The following GALNTL5 variants were observed in gnomAD, a reference collection of about 807,000 sequenced individuals.
GALNTL5 encodes inactive polypeptide N-acetylgalactosaminyltransferase-like protein 5.
GALNTL5 carries 44 observed loss-of-function variants against 51.0 expected under a neutral mutation model. The ratio of observed to expected loss-of-function variants is 0.86; its 90% CI spans 0.68 to 1.11. The LOEUF is 1.11. Among genes scored for constraint, GALNTL5 ranks in the 50% least tolerant of loss-of-function variants. GALNTL5 has a pLI of 0.00. For missense variants in GALNTL5, 528 were observed against 531.8 expected, an observed-to-expected ratio of 0.99 and a Z score of 0.07; for synonymous variants, 192 against 182.8, an observed-to-expected ratio of 1.05 and a Z score of -0.41.
rs778708348 is a variant in GALNTL5, at chr7:151,987,231, A to G, written c.608A>G (p.Lys203Arg). The change falls in exon 5 of 9, where the codon AAG becomes AGG. Residue 203 changes from lysine to arginine, a missense_variant. By Grantham distance (26) the Lys-to-Arg change is conservative. Transcript: ENST00000392800. ...AAGGTTAAAATAATAAGAAACAAAA[A>G]GAGAGAGGGGCTGATTCGAGCAAGG... ...RGKVKIIRNK[K>R]REGLIRARLI... 2.5e-6 allele frequency: 4 copies of G among 1,601,804 alleles called. No homozygotes were observed. Among genetic ancestry groups the G allele is most frequent in the South Asian group, 1.1e-5 (1 of 87,498 alleles).
chr7:152,008,186 A>C (rs1382001056), intron 7 of GALNTL5, among the ~76,000 whole-genome samples: 1 of 151,656 alleles, frequency 6.6e-6, no homozygotes, highest in Non-Finnish European at 1.5e-5. Flanking sequence ...GGCTGAGGCA[A>C]GTGGATTGTT....
At chr7:151,957,561 GAAAAGAAAAAAA>G (rs1363393406) in intron 1 of GALNTL5, among the ~76,000 whole-genome samples, 2 of 119,156 alleles carry the variant, frequency 1.7e-5, no homozygotes, top group Non-Finnish European at 3.4e-5. Flanking sequence ...AAAAAAAAAA[GAAAAGAAAAAAA>G]AAAAGAAAGA....
chr7:151,981,900 A>G (rs939969778), intron 3 of GALNTL5, among the ~76,000 whole-genome samples: 4 of 150,766 alleles, frequency 2.7e-5, no homozygotes. Flanking sequence ...CACCCACCTC[A>G]GCCTCCCAAA....
chr7:151,990,525 G>A (rs1178118425), intron 5 of GALNTL5, among the ~76,000 whole-genome samples: 1 of 111,162 alleles, frequency 9.0e-6, no homozygotes, highest in Non-Finnish European at 1.7e-5. Flanking sequence ...AGCTTGCAGT[G>A]AGCCGAGATT....
chr7:151,999,007 T>C (rs1011652762), intron 5 of GALNTL5, among the ~76,000 whole-genome samples: 3 of 152,174 alleles, frequency 2.0e-5, no homozygotes, highest in Non-Finnish European at 4.4e-5. Context: ...TCCAAAACAT[T>C]TTCATTACCT....
chr7:152,006,164 G>A (rs1255988982), intron 6 of GALNTL5, among the ~76,000 whole-genome samples: 1 of 152,196 alleles, frequency 6.6e-6, no homozygotes, highest in Non-Finnish European at 1.5e-5. Flanking sequence ...CCAAGAGAAG[G>A]GTGTGGCCAG....
At chr7:152,012,754 G>T (rs2081753788) in intron 7 of GALNTL5, among the ~76,000 whole-genome samples, 3 of 152,112 alleles carry the variant, frequency 2.0e-5, no homozygotes, top group Admixed American at 2.0e-4. Flanking sequence ...ATCACTTGAG[G>T]TCAGAAGTTC....
intron 8 of GALNTL5, among the ~76,000 whole-genome samples, chr7:152,015,630 T>C (rs1265267152): frequency 6.6e-6 from 1 of 152,004 alleles, no homozygotes; most frequent in East Asian, 1.9e-4. Context: ...AGTGCTGGGA[T>C]TTATAAGAGT....
intron 6 of GALNTL5, among the ~76,000 whole-genome samples, chr7:152,006,501 A>T (rs567544168): frequency 1.3e-5 from 2 of 152,338 alleles, no homozygotes; most frequent in East Asian, 3.9e-4. Flanking sequence ...CATCTGGTGC[A>T]GTAGGCACCC....
intron 5 of GALNTL5, among the ~76,000 whole-genome samples, chr7:151,999,293 C>A (rs905508682): frequency 2.0e-5 from 3 of 152,076 alleles, no homozygotes; most frequent in Admixed American, 6.5e-5. Flanking sequence ...TGGGCTGTTT[C>A]CCTCTTTTGG....
intron 1 of GALNTL5, among the ~76,000 whole-genome samples, chr7:151,964,920 G>T (rs1454321462): frequency 2.0e-5 from 3 of 152,172 alleles, no homozygotes; most frequent in African/African-American, 7.2e-5. Flanking sequence ...CCGGGATCCT[G>T]TGTGGGAGGA....
chr7:152,014,806 T>A lies in GALNTL5; in HGVS notation c.1176+13T>A. The A allele has an allele frequency of 6.3e-7, 1 of 1,593,126 alleles. No homozygotes were observed. Among genetic ancestry groups the A allele is most frequent in the South Asian group, 1.1e-5 (1 of 87,434 alleles). The stretch of plus-strand genomic sequence containing the variant: ...GGATGAATATAAGGTGGGGAACACA[T>A]CCTTGACTTGGAAAATGTATGCGAG... On this transcript the variant is annotated intron_variant, in intron 8 of 8. Coordinates refer to ENST00000392800, the MANE Select transcript of GALNTL5 (RefSeq NM_145292.4).
At chr7:151,983,747 A>C (rs147394689) in intron 4 of GALNTL5, among the ~76,000 whole-genome samples, 1 of 152,124 alleles carries the variant, frequency 6.6e-6, no homozygotes, top group East Asian at 1.9e-4. Context: ...GATGAGTTGT[A>C]ATGATCTAGG....
chr7:151,957,412 G>A (rs1001323047), intron 1 of GALNTL5, among the ~76,000 whole-genome samples: 3 of 150,298 alleles, frequency 2.0e-5, no homozygotes, highest in Non-Finnish European at 4.4e-5. Flanking sequence ...AGGCGTGGTG[G>A]CACTCACCAG....
chr7:151,967,399 A>G lies in GALNTL5; in HGVS notation c.153A>G (p.Lys51=), dbSNP rs1267607055. The G allele has an allele frequency of 6.2e-7, 1 of 1,614,038 alleles. No individual in the cohort carries two copies. The highest frequency in any genetic ancestry group is 8.5e-7 in the Non-Finnish European group (1 of 1,180,024). Residue 51 remains lysine, a synonymous_variant, in exon 2 of 9, where the codon AAA becomes AAG. Transcript: ENST00000392800. ...EPLSAWSPGK[K]VHQQIIYGSE... is the part of the protein sequence containing the mutation. ...TGTCAGCTTGGTCCCCTGGAAAAAA[A>G]GTGCATCAGCAAATTATCTATGGCT...
chr7:152,013,944 G>A (rs1282998240), intron 7 of GALNTL5, among the ~76,000 whole-genome samples: 2 of 152,162 alleles, frequency 1.3e-5, no homozygotes, highest in Non-Finnish European at 2.9e-5. Flanking sequence ...AGCAACATAA[G>A]GAGTTTTAGG....
rs2081779922 is a variant in GALNTL5 at position 152,014,509 on chromosome 7, C to A, written c.1027-135C>A. The stretch of plus-strand genomic sequence containing the variant: ...TCTCAAACTCCCTTCCTTAGGTGAT[C>A]TGACTGCCTTGGCCTCCCAAAATGC... On this transcript the variant is annotated intron_variant, in intron 7 of 8. Transcript: ENST00000392800. The A allele has an allele frequency of 6.8e-6, 5 of 735,814 alleles. No individual in the cohort carries two copies. In the East Asian group the frequency reaches 1.2e-4, roughly 17 times the overall value. 45.6% of individuals were successfully genotyped at this position (735,814 alleles called of 1,614,324 possible). A position where few individuals can be genotyped will look rare whatever the true frequency, so the allele number is the denominator to read the frequency against.
In GALNTL5 at chr7:151,967,452, T is replaced by C. The variant is rs780452824; in HGVS notation, c.206T>C (p.Ile69Thr). The part of the protein sequence containing the change: ...GSEQIPKPHV[I>T]VKRTDEDKAK... ...GAGCAAATACCAAAACCTCATGTAA[T>C]AGTCAAAAGGACTGATGAAGATAAA... The change falls in exon 2 of 9, where the codon ATA (isoleucine) becomes ACA (threonine). Residue 69 changes from isoleucine (I) to threonine (T), a missense_variant. Transcript: ENST00000392800. The C allele has an allele frequency of 5.0e-6, 8 of 1,613,846 alleles. No individual in the cohort carries two copies. Among genetic ancestry groups the C allele is most frequent in the African/African-American group, 1.3e-5 (1 of 74,924 alleles).
chr7:151,990,818 G>C (rs1365550255), intron 5 of GALNTL5, among the ~76,000 whole-genome samples: 1 of 151,928 alleles, frequency 6.6e-6, no homozygotes, highest in African/African-American at 2.4e-5. Context: ...CTGGGTTGAA[G>C]AGCCTCCGCC....
Sources: gnomAD v4.1 joint callset for allele counts (sites outside exome capture counted in the v4.1 genomes callset) on GRCh38, gnomAD v4.1.1 for gene constraint, MANE v1.5 for transcripts, NCBI Gene and HGNC (gene_info 2026-07-23, HGNC 2026-07-21) for gene names.